CERS6: variants seen among roughly 807,000 people sequenced by gnomAD.
CERS6 encodes the protein ceramide synthase 6, also known as LAG1 homolog, ceramide synthase 6.
A neutral mutation model predicts 56.8 loss-of-function variants in CERS6; 26 were observed. That is an observed-to-expected ratio of 0.46 (90% CI 0.34 to 0.63). CERS6 has a LOEUF of 0.63. Ranked by LOEUF, CERS6 falls within the 30% of genes least tolerant of loss-of-function variation. The pLI is 0.01. For synonymous variants in CERS6, 164 were observed against 173.3 expected (o/e 0.95, Z 0.42); for missense variants, 415 against 467.5 (o/e 0.89, Z 1.04).
intron 1 of CERS6, among the ~76,000 whole-genome samples, chr2:168,532,424 C>T (rs1383296050): frequency 1.3e-5 from 2 of 152,014 alleles, no homozygotes; most frequent in African/African-American, 2.4e-5. Context: ...GTAATTTCAT[C>T]TAGTTGCATA....
At chr2:168,593,063 TTTGAAAGCTAGC>T (rs1683712278) in intron 3 of CERS6, among the ~76,000 whole-genome samples, 2 of 152,304 alleles carry the variant, frequency 1.3e-5, no homozygotes, top group East Asian at 3.9e-4. Flanking sequence ...CTTCCTCCAC[TTTGAAAGCTAGC>T]AGCATAACAT....
At chr2:168,698,828 A>T (rs2105370252) in intron 6 of CERS6, among the ~76,000 whole-genome samples, 1 of 152,278 alleles carries the variant, frequency 6.6e-6, no homozygotes, top group African/African-American at 2.4e-5. Context: ...AATTGATCCT[A>T]GGCCTGTATA....
intron 4 of CERS6, among the ~76,000 whole-genome samples, chr2:168,667,118 T>C (rs1447365911): frequency 6.6e-6 from 1 of 152,258 alleles, no homozygotes; most frequent in Non-Finnish European, 1.5e-5. Context: ...TTTTATTTTT[T>C]CTTTTCATTA....
intron 1 of CERS6, among the ~76,000 whole-genome samples, chr2:168,545,936 G>A (rs567933678): frequency 4.6e-5 from 7 of 152,298 alleles, no homozygotes; most frequent in Admixed American, 3.3e-4. Flanking sequence ...CAACTGGAAA[G>A]ACTAGAAAGA....
intron 8 of CERS6, among the ~76,000 whole-genome samples, chr2:168,749,078 A>T (rs1034048952): frequency 6.6e-6 from 1 of 150,866 alleles, no homozygotes; most frequent in African/African-American, 2.4e-5. Context: ...TCTCTCTCCT[A>T]TATCTTCCAA....
chr2:168,511,642 A>T (rs187066909), intron 1 of CERS6, among the ~76,000 whole-genome samples: 179 of 152,186 alleles, frequency 1.2e-3, no homozygotes, highest in Non-Finnish European at 2.0e-3. Context: ...ATGTCTTTAT[A>T]ATCTCTGTTC....
chr2:168,485,641 T>C (rs1292376286), intron 1 of CERS6, among the ~76,000 whole-genome samples: 5 of 152,190 alleles, frequency 3.3e-5, no homozygotes, highest in Admixed American at 3.3e-4. Context: ...TTTAGCAATA[T>C]GCATTTAAGG....
chr2:168,649,358 C>T (rs965024727), intron 4 of CERS6, among the ~76,000 whole-genome samples: 21 of 152,250 alleles, frequency 1.4e-4, no homozygotes, highest in African/African-American at 4.8e-4. Flanking sequence ...CAAATGGCCT[C>T]TCCTGGTAAA....
chr2:168,578,172 C>CT (rs79515649), intron 3 of CERS6, among the ~76,000 whole-genome samples: 2,750 of 141,352 alleles, frequency 0.019, 32 homozygotes, highest in African/African-American at 0.034. Flanking sequence ...AACCAGTAAA[C>CT]TTTTTTTTTT....
At chr2:168,730,217 G>C (rs1295751469) in intron 8 of CERS6, among the ~76,000 whole-genome samples, 2 of 152,196 alleles carry the variant, frequency 1.3e-5, no homozygotes, top group African/African-American at 4.8e-5. Context: ...ACTGCCTTTA[G>C]TAAGTTTAAT....
intron 1 of CERS6, among the ~76,000 whole-genome samples, chr2:168,462,571 GCT>G (rs1177185363): frequency 6.6e-6 from 1 of 152,094 alleles, no homozygotes; most frequent in Non-Finnish European, 1.5e-5. Flanking sequence ...TTGGGACAGG[GCT>G]TCACTCCGTT....
At chr2:168,548,767 C>T (rs1695511793) in intron 2 of CERS6, among the ~76,000 whole-genome samples, 1 of 152,136 alleles carries the variant, frequency 6.6e-6, no homozygotes, top group Non-Finnish European at 1.5e-5. Context: ...TTCCAAAATT[C>T]TCTAGAGTTT....
intron 4 of CERS6, among the ~76,000 whole-genome samples, chr2:168,685,197 A>G (rs1476310979): frequency 2.0e-5 from 3 of 152,222 alleles, no homozygotes; most frequent in Admixed American, 2.0e-4. Context: ...GCTGATTTCG[A>G]GTAAATACCC....
At chr2:168,486,519 G>GTTTTTT (rs200121622) in intron 1 of CERS6, among the ~76,000 whole-genome samples, 1 of 130,974 alleles carries the variant, frequency 7.6e-6, no homozygotes, top group Admixed American at 7.8e-5. Flanking sequence ...TCTAGATTTG[G>GTTTTTT]TTTTGTTTTT....
intron 4 of CERS6, among the ~76,000 whole-genome samples, chr2:168,645,118 T>A (rs1378585123): frequency 0.15 from 2,141 of 14,324 alleles, 301 homozygotes; most frequent in Non-Finnish European, 0.19. Flanking sequence ...AAAAAAAAAA[T>A]ATATATATAT....
intron 8 of CERS6, among the ~76,000 whole-genome samples, chr2:168,747,292 T>A (rs373036174): frequency 1.0e-4 from 3 of 29,372 alleles, no homozygotes; most frequent in Admixed American, 4.3e-4. Flanking sequence ...TCTCAACAAA[T>A]TTTTTTTTTT....
chr2:168,758,449 C>G (rs1240739227), intron 8 of CERS6, among the ~76,000 whole-genome samples: 1 of 152,066 alleles, frequency 6.6e-6, no homozygotes, highest in African/African-American at 2.4e-5. Context: ...GAGATCATTC[C>G]AAAAACATAC....
At chr2:168,545,130 CAT>C (rs1695441976) in intron 1 of CERS6, among the ~76,000 whole-genome samples, 1 of 151,806 alleles carries the variant, frequency 6.6e-6, no homozygotes, top group Admixed American at 6.6e-5. Flanking sequence ...GAAACACACA[CAT>C]GTATTTGTAG....
intron 3 of CERS6, among the ~76,000 whole-genome samples, chr2:168,593,015 T>C (rs1451795062): frequency 5.9e-5 from 9 of 152,206 alleles, no homozygotes; most frequent in African/African-American, 1.9e-4. Flanking sequence ...CCCTGGCCTC[T>C]TCTAGTTTAA....
Sources: gnomAD v4.1 joint callset for allele counts (sites outside exome capture counted in the v4.1 genomes callset) on GRCh38, gnomAD v4.1.1 for gene constraint, MANE v1.5 for transcripts, NCBI Gene and HGNC (gene_info 2026-07-23, HGNC 2026-07-21) for gene names.